The following EPHA3 variants were observed in gnomAD, a reference collection of about 807,000 sequenced individuals.
EPHA3 encodes the protein ephrin type-A receptor 3.
Under a neutral mutation model 107.1 loss-of-function variants are expected in EPHA3, and 42 were observed. That is an observed-to-expected ratio of 0.39 (90% CI 0.31 to 0.51). EPHA3 has a LOEUF of 0.51. Among genes scored for constraint, EPHA3 ranks in the 20% least tolerant of loss-of-function variants. EPHA3 has a pLI of 0.78. For missense variants in EPHA3, 1,183 were observed against 1,211.2 expected (o/e 0.98, Z 0.35); for synonymous variants, 461 against 424.8 (o/e 1.09, Z -1.05).
At chr3:89,212,762 G>A (rs1037751781) in intron 3 of EPHA3, among the ~76,000 whole-genome samples, 1 of 151,906 alleles carries the variant, frequency 6.6e-6, no homozygotes. Flanking sequence ...TATAAACTTT[G>A]TTTAGACTTA....
intron 3 of EPHA3, among the ~76,000 whole-genome samples, chr3:89,259,952 A>G (rs933722780): frequency 6.6e-6 from 1 of 152,198 alleles, no homozygotes. Flanking sequence ...TTCATGTAGC[A>G]TAATGTCCAC....
At chr3:89,474,124 G>A (rs546331255) in intron 16 of EPHA3, among the ~76,000 whole-genome samples, 7 of 152,236 alleles carry the variant, frequency 4.6e-5, no homozygotes, top group Middle Eastern at 3.4e-3. Context: ...AACATGCCAT[G>A]TAATTAATAG....
chr3:89,312,781 T>C (rs1197835932), intron 3 of EPHA3, among the ~76,000 whole-genome samples: 2 of 151,990 alleles, frequency 1.3e-5, no homozygotes. Flanking sequence ...TTCCTCACCA[T>C]GTGTCCATAC....
intron 5 of EPHA3, among the ~76,000 whole-genome samples, chr3:89,346,604 C>A (rs1181605745): frequency 1.3e-5 from 2 of 150,506 alleles, no homozygotes; most frequent in African/African-American, 4.9e-5. Flanking sequence ...TTTTGCTGTG[C>A]AGAAGCTCTT....
rs2107553717 is a variant in EPHA3, at chr3:89,449,363, T to C, written c.2485T>C (p.Ser829Pro). ...TGGAGAGAGACCATACTGGGAGATG[T>C]CCAATCAGGATGTAAGTATTTGTGG... ...SYGERPYWEM[S>P]NQDVIKAVDE... The change falls in exon 14 of 17, where the codon TCC becomes CCC. Residue 829 changes from serine to proline, a missense_variant. Ser to Pro is a moderately conservative substitution (Grantham distance 74). Transcript: ENST00000336596. 1 of 1,589,850 alleles carries C rather than the reference T, an allele frequency of 6.3e-7. No individual in the cohort carries two copies. Among genetic ancestry groups the C allele is most frequent in the Non-Finnish European group, 8.6e-7 (1 of 1,163,858 alleles).
chr3:89,468,919 T>C (rs1353692131), intron 15 of EPHA3, among the ~76,000 whole-genome samples: 2 of 152,156 alleles, frequency 1.3e-5, no homozygotes, highest in African/African-American at 2.4e-5. Context: ...AAATAAGCTG[T>C]TTTTCTTCCT....
At chr3:89,433,978 C>G (rs1709618606) in intron 13 of EPHA3, among the ~76,000 whole-genome samples, 1 of 152,118 alleles carries the variant, frequency 6.6e-6, no homozygotes. Context: ...TCATTCTACT[C>G]ACTTCTACTC....
At chr3:89,328,643 A>G (rs1051715439) in intron 3 of EPHA3, among the ~76,000 whole-genome samples, 4 of 152,194 alleles carry the variant, frequency 2.6e-5, no homozygotes, top group Non-Finnish European at 5.9e-5. Context: ...CAGAATACCT[A>G]TGTCTTGGAA....
At chr3:89,259,842 C>T (rs1705373123) in intron 3 of EPHA3, among the ~76,000 whole-genome samples, 1 of 152,140 alleles carries the variant, frequency 6.6e-6, no homozygotes, top group Non-Finnish European at 1.5e-5. Context: ...CCTTTCTCCC[C>T]ATTCCACCCA....
chr3:89,197,698 G>T (rs1450444719), intron 2 of EPHA3, among the ~76,000 whole-genome samples: 1 of 152,146 alleles, frequency 6.6e-6, no homozygotes, highest in Non-Finnish European at 1.5e-5. Context: ...AATTGTGGCT[G>T]GGCACAGTGG....
chr3:89,280,986 G>A (rs1170143388), intron 3 of EPHA3, among the ~76,000 whole-genome samples: 1 of 143,830 alleles, frequency 7.0e-6, no homozygotes, highest in Non-Finnish European at 1.5e-5. Flanking sequence ...CTAACCATAT[G>A]AATCTTACAA....
chr3:89,192,182 T>C (rs1225707984), intron 2 of EPHA3, among the ~76,000 whole-genome samples: 1 of 152,110 alleles, frequency 6.6e-6, no homozygotes, highest in Non-Finnish European at 1.5e-5. Context: ...TGATTAAGGA[T>C]TTGGCAAACC....
chr3:89,419,185 G>A lies in EPHA3; in HGVS notation c.1889-20G>A, dbSNP rs1230253799. The A allele has an allele frequency of 3.2e-6, 5 of 1,548,814 alleles. No individual in the cohort carries two copies. The African/African-American group carries it at 4.2e-5, about 13-fold the overall frequency. ...ATTATAGAATTCCTTACATTTTGTT[G>A]CTGTTCTGCTTTATAACAGGTGAAT... On this transcript the variant is annotated intron_variant, in intron 10 of 16. Transcript: ENST00000336596.
chr3:89,338,694 G>A (rs1368009344), intron 3 of EPHA3, among the ~76,000 whole-genome samples: 1 of 152,076 alleles, frequency 6.6e-6, no homozygotes, highest in Non-Finnish European at 1.5e-5. Flanking sequence ...GACCACAGGC[G>A]CCCACCACTG....
rs541405413 is a variant in EPHA3, at chr3:89,199,718, TTCTAGAAATG to T, written c.154-10140_154-10131del. 1.5e-3 allele frequency among the ~76,000 whole-genome samples: 224 copies of T among 152,318 alleles called. 2 individuals are homozygous for T. Among genetic ancestry groups the T allele is most frequent in the Middle Eastern group, 6.8e-3 (2 of 294 alleles). The stretch of plus-strand genomic sequence containing the variant: ...AATTATAAATTTACTGACACATAGT[TTCTAGAAATG>T]TATACCTTCTTCTTTTTTCCTGTAA... On this transcript the variant is annotated intron_variant, in intron 2 of 16. Transcript: ENST00000336596.
chr3:89,398,286 T>G (rs902361643), intron 6 of EPHA3, among the ~76,000 whole-genome samples: 2 of 152,198 alleles, frequency 1.3e-5, no homozygotes, highest in African/African-American at 4.8e-5. Context: ...AGGTTCCTCA[T>G]AGGAGCTCTG....
intron 3 of EPHA3, among the ~76,000 whole-genome samples, chr3:89,332,173 C>T (rs1707303272): frequency 1.3e-5 from 2 of 152,144 alleles, no homozygotes; most frequent in African/African-American, 4.8e-5. Context: ...GAAAACCCAA[C>T]TAGTGCTACT....
intron 3 of EPHA3, among the ~76,000 whole-genome samples, chr3:89,308,717 C>T (rs566048432): frequency 5.3e-5 from 8 of 151,620 alleles, no homozygotes; most frequent in Non-Finnish European, 1.2e-4. Context: ...TGGTTATAGT[C>T]AGTATAAGTG....
intron 3 of EPHA3, among the ~76,000 whole-genome samples, chr3:89,321,300 G>A (rs898051497): frequency 2.6e-5 from 4 of 152,048 alleles, no homozygotes; most frequent in Admixed American, 2.6e-4. Flanking sequence ...ACACTAGCCA[G>A]CTAAACAGTG....
Sources: allele counts gnomAD v4.1 joint callset (sites outside exome capture counted in the v4.1 genomes callset), GRCh38; gene constraint gnomAD v4.1.1; transcripts MANE v1.5; gene names NCBI Gene and HGNC (gene_info 2026-07-23, HGNC 2026-07-21).